GADL1: variants seen among roughly 807,000 people sequenced by gnomAD.
The protein encoded by GADL1 is acidic amino acid decarboxylase GADL1.
A neutral mutation model predicts 69.5 loss-of-function variants in GADL1; 71 were observed. The observed-to-expected ratio is 1.02, with a 90% CI of 0.84 to 1.25. GADL1 has a LOEUF of 1.25. Ranked by LOEUF, GADL1 falls within the 50% of genes most tolerant of loss-of-function variation. GADL1 has a pLI of 0.00. For synonymous variants in GADL1, 254 were observed against 214.4 expected, an observed-to-expected ratio of 1.18 and a Z score of -1.62; for missense variants, 737 against 631.8, an observed-to-expected ratio of 1.17 and a Z score of -1.79.
chr3:30,873,551 A>G (rs1698525438), intron 1 of GADL1, among the ~76,000 whole-genome samples: 1 of 151,780 alleles, frequency 6.6e-6, no homozygotes, highest in Admixed American at 6.6e-5. Flanking sequence ...AACTATTTGG[A>G]TACATTTTTG....
chr3:30,754,971 A>G (rs1695933318), intron 14 of GADL1, among the ~76,000 whole-genome samples: 1 of 152,002 alleles, frequency 6.6e-6, no homozygotes, highest in Non-Finnish European at 1.5e-5. Context: ...GAGGAAGCAG[A>G]CCAAAACGGG....
chr3:30,842,698 A>G (rs13077553), intron 8 of GADL1, among the ~76,000 whole-genome samples: 33,342 of 151,832 alleles, frequency 0.22, 3,756 homozygotes, highest in South Asian at 0.37. Context: ...AAACTAGAAA[A>G]CAATATCTGT....
chr3:30,732,748 G>T (rs1001063563), intron 14 of GADL1, among the ~76,000 whole-genome samples: 4 of 152,154 alleles, frequency 2.6e-5, no homozygotes, highest in African/African-American at 9.7e-5. Context: ...AACAAGAACA[G>T]TTTTTCAAAA....
intron 11 of GADL1, among the ~76,000 whole-genome samples, chr3:30,818,278 C>G (rs927328481): frequency 6.6e-6 from 1 of 152,180 alleles, no homozygotes; most frequent in Non-Finnish European, 1.5e-5. Flanking sequence ...CATATTTTAC[C>G]TGTCGTGAGA....
chr3:30,751,772 C>G (rs955708375), intron 14 of GADL1, among the ~76,000 whole-genome samples: 1 of 150,892 alleles, frequency 6.6e-6, no homozygotes, highest in African/African-American at 2.4e-5. Context: ...CCCCGATGGT[C>G]TCGCCATTTC....
chr3:30,773,260 G>A (rs570454467), intron 14 of GADL1, among the ~76,000 whole-genome samples: 7 of 152,116 alleles, frequency 4.6e-5, no homozygotes, highest in East Asian at 1.9e-4. Flanking sequence ...TGGTAAAAAC[G>A]TACCATATTG....
At chr3:30,840,128 C>G (rs892665959) in intron 8 of GADL1, among the ~76,000 whole-genome samples, 1 of 151,978 alleles carries the variant, frequency 6.6e-6, no homozygotes, top group African/African-American at 2.4e-5. Flanking sequence ...ATTTTTTTCT[C>G]CATTTAGCAT....
intron 11 of GADL1, among the ~76,000 whole-genome samples, chr3:30,816,319 A>T (rs1168370962): frequency 2.0e-5 from 3 of 151,924 alleles, no homozygotes; most frequent in Admixed American, 2.0e-4. Context: ...GGCAAAGAAG[A>T]GTTTCTGGTT....
chr3:30,770,414 T>G (rs1468714820), intron 14 of GADL1, among the ~76,000 whole-genome samples: 1 of 152,202 alleles, frequency 6.6e-6, no homozygotes, highest in Non-Finnish European at 1.5e-5. Context: ...CATGTGCAAA[T>G]GTTACACAGA....
intron 14 of GADL1, among the ~76,000 whole-genome samples, chr3:30,752,092 T>C (rs1381936632): frequency 2.0e-5 from 3 of 148,620 alleles, no homozygotes; most frequent in South Asian, 2.1e-4. Context: ...AAAGTACTGC[T>C]GTGGTTTCTC....
At chr3:30,827,348 G>A (rs1190932724) in intron 11 of GADL1, among the ~76,000 whole-genome samples, 1 of 151,062 alleles carries the variant, frequency 6.6e-6, no homozygotes, top group African/African-American at 2.4e-5. Context: ...TTATGACTAG[G>A]TGGTAACTGA....
chr3:30,830,063 C>T (rs1219171337), intron 11 of GADL1, among the ~76,000 whole-genome samples: 2 of 151,608 alleles, frequency 1.3e-5, no homozygotes, highest in African/African-American at 4.9e-5. Flanking sequence ...TGGCTCAGAA[C>T]ACAGTTATCC....
chr3:30,729,159 T>A (rs1695416411), intron 14 of GADL1, among the ~76,000 whole-genome samples: 1 of 152,112 alleles, frequency 6.6e-6, no homozygotes. Flanking sequence ...ATACACAGAT[T>A]TTTCTAAAAG....
In GADL1 at chr3:30,747,392, A is replaced by G. The variant is rs187827951; in HGVS notation, c.1393-18977T>C. Among the ~76,000 whole-genome samples the G allele has an allele frequency of 2.0e-3, 311 of 152,274 alleles. 1 individual carries two copies. The highest frequency in any genetic ancestry group is 7.0e-3 in the African/African-American group (291 of 41,546). On this transcript the variant is annotated intron_variant, in intron 14 of 14. Coordinates refer to ENST00000282538, the MANE Select transcript of GADL1 (RefSeq NM_207359.3). ...AATATATCTGTCAAAATGATGGTGCATTTGTCTATCTGAATACTAGAGAAG... is the reference window on the plus strand; with the variant it reads ...AATATATCTGTCAAAATGATGGTGCGTTTGTCTATCTGAATACTAGAGAAG...
intron 11 of GADL1, among the ~76,000 whole-genome samples, chr3:30,801,520 T>G (rs1252440137): frequency 6.6e-6 from 1 of 152,132 alleles, no homozygotes; most frequent in Admixed American, 6.5e-5. Context: ...CTCCTTCATA[T>G]TCATTTGAAA....
chr3:30,821,302 A>G (rs1317820102), intron 11 of GADL1, among the ~76,000 whole-genome samples: 2 of 152,132 alleles, frequency 1.3e-5, no homozygotes, highest in African/African-American at 4.8e-5. Flanking sequence ...CACGTTGTGC[A>G]CATGTACCCT....
intron 14 of GADL1, among the ~76,000 whole-genome samples, chr3:30,759,877 C>T (rs1018118620): frequency 6.6e-6 from 1 of 152,152 alleles, no homozygotes; most frequent in Non-Finnish European, 1.5e-5. Flanking sequence ...AACAGACTCA[C>T]AAAATGCTCT....
intron 14 of GADL1, among the ~76,000 whole-genome samples, chr3:30,736,219 A>T (rs1695539663): frequency 6.6e-6 from 1 of 152,050 alleles, no homozygotes; most frequent in African/African-American, 2.4e-5. Flanking sequence ...TCATGGCCAT[A>T]AGTGTCCCAG....
chr3:30,782,389 C>T (rs1476173875), intron 13 of GADL1, among the ~76,000 whole-genome samples: 4 of 151,970 alleles, frequency 2.6e-5, no homozygotes, highest in African/African-American at 9.7e-5. Flanking sequence ...GAAGACTAAG[C>T]ATTCAAGATA....
Sources: allele counts gnomAD v4.1 joint callset (sites outside exome capture counted in the v4.1 genomes callset), GRCh38; gene constraint gnomAD v4.1.1; transcripts MANE v1.5; gene names NCBI Gene and HGNC (gene_info 2026-07-23, HGNC 2026-07-21).